SCNN1B: variants seen among roughly 807,000 people sequenced by gnomAD.
SCNN1B encodes epithelial sodium channel subunit beta.
In SCNN1B, 46 loss-of-function variants were observed where a neutral mutation model predicts 65.3. That is an observed-to-expected ratio of 0.70 (90% CI 0.56 to 0.90). The LOEUF is 0.90. Among genes scored for constraint, SCNN1B ranks in the 40% least tolerant of loss-of-function variants. SCNN1B has a pLI of 0.00. For synonymous variants in SCNN1B, 349 were observed against 330.6 expected, an observed-to-expected ratio of 1.06 and a Z score of -0.60; for missense variants, 751 against 830.5, an observed-to-expected ratio of 0.90 and a Z score of 1.18.
intron 1 of SCNN1B, among the ~76,000 whole-genome samples, chr16:23,307,372 T>C (rs1961242774): frequency 7.3e-6 from 1 of 137,530 alleles, no homozygotes; most frequent in Non-Finnish European, 1.5e-5. Context: ...CAGGCTGGAG[T>C]GCAATGGTGT....
At chr16:23,285,900 G>A (rs1441338536) in intron 2 of SCNN1B, among the ~76,000 whole-genome samples, 1 of 152,176 alleles carries the variant, frequency 6.6e-6, no homozygotes, top group Non-Finnish European at 1.5e-5. Flanking sequence ...CTTGAACCCA[G>A]GAGGCAGAAG....
intron 1 of SCNN1B, among the ~76,000 whole-genome samples, chr16:23,336,634 T>C (rs1434391011): frequency 6.6e-6 from 1 of 152,092 alleles, no homozygotes; most frequent in Admixed American, 6.5e-5. Context: ...CCTCCCAAAG[T>C]GCTGGGATTA....
Position 23,365,603 on chromosome 16 carries a change from A to AG in SCNN1B, c.777-2253_777-2252insG, listed in dbSNP as rs1567313722. Among the ~76,000 whole-genome samples, 55 of 93,752 alleles carry AG rather than the reference A, an allele frequency of 5.9e-4. No individual in the cohort carries two copies. In the South Asian group the frequency reaches 9.1e-3, roughly 15 times the overall value. 61.5% of individuals were successfully genotyped at this position (93,752 alleles called of 152,430 possible). On this transcript the variant is annotated intron_variant, in intron 4 of 12. Transcript: ENST00000343070. Reference sequence around the variant, plus strand: ...AGAAAGAAAGAGAAAGAAAGAAAGAAAGAAAGAAAGAAAGAAAAAAGAAAG... The same window carrying AG: ...AGAAAGAAAGAGAAAGAAAGAAAGAAGAGAAAGAAAGAAAGAAAAAAGAAAG...
chr16:23,295,912 T>G (rs1960990595), intron 2 of SCNN1B, among the ~76,000 whole-genome samples: 1 of 152,094 alleles, frequency 6.6e-6, no homozygotes, highest in Non-Finnish European at 1.5e-5. Context: ...CTGATTAAAT[T>G]TTTAGTCTGA....
intron 3 of SCNN1B, 98 bp from the exon 4 acceptor site, chr16:23,355,201 A>G: frequency 2.4e-6 from 3 of 1,255,416 alleles, no homozygotes; most frequent in Non-Finnish European, 3.5e-6. Context: ...GGTGGCTGGC[A>G]AAGCACAGCT....
At chr16:23,346,319 C>T (rs1962188677) in intron 1 of SCNN1B, among the ~76,000 whole-genome samples, 1 of 150,826 alleles carries the variant, frequency 6.6e-6, no homozygotes, top group African/African-American at 2.4e-5. Flanking sequence ...CCTCCACCTC[C>T]CAGGCTAAAG....
chr16:23,329,656 C>A (rs1731018657), intron 1 of SCNN1B, among the ~76,000 whole-genome samples: 1 of 152,206 alleles, frequency 6.6e-6, no homozygotes, highest in Admixed American at 6.5e-5. Flanking sequence ...AGCATTCACA[C>A]CCAAAGCTTG....
chr16:23,301,717 A>G (rs994116273), upstream of SCNN1B, among the ~76,000 whole-genome samples: 1 of 152,120 alleles, frequency 6.6e-6, no homozygotes, highest in African/African-American at 2.4e-5. Flanking sequence ...AGAGTTCCCA[A>G]TCTCGGGGTG....
Position 23,380,772 on chromosome 16 carries a change from G to C in SCNN1B, c.1894G>C (p.Glu632Gln). Reference protein sequence around the residue: ...SLRLQPLDVIESDSEGDAI With the variant: ...SLRLQPLDVIQSDSEGDAI ...GCGTCTGCAGCCGCTGGACGTCATCGAGTCTGACAGTGAGGGTGATGCCAT... is the reference window on the plus strand; with the variant it reads ...GCGTCTGCAGCCGCTGGACGTCATCCAGTCTGACAGTGAGGGTGATGCCAT... Residue 632 changes from glutamate (E) to glutamine (Q), a missense_variant, in exon 13 of 13, where the codon GAG (glutamate) becomes CAG (glutamine). Physicochemically the swap from Glu to Gln is conservative, Grantham distance 29. Transcript: ENST00000343070. This position sits in a 1 kb window ranked among gnomAD's most constrained non-coding sequence, Gnocchi z 5.4. The C allele has an allele frequency of 6.2e-7, 1 of 1,612,360 alleles. No homozygotes were observed. Among genetic ancestry groups the C allele is most frequent in the Non-Finnish European group, 8.5e-7 (1 of 1,179,950 alleles).
At chr16:23,317,527 C>T (rs1961497201) in intron 1 of SCNN1B, among the ~76,000 whole-genome samples, 1 of 152,052 alleles carries the variant, frequency 6.6e-6, no homozygotes, top group Non-Finnish European at 1.5e-5. Context: ...GGAACAGGGT[C>T]GAGAGTTCAG....
intron 1 of SCNN1B, among the ~76,000 whole-genome samples, chr16:23,343,185 T>C (rs907807099): frequency 6.6e-6 from 1 of 152,112 alleles, no homozygotes; most frequent in Non-Finnish European, 1.5e-5. Context: ...CTGGGCATGG[T>C]GGCTCATGCC....
chr16:23,279,744 C>T (rs942377986), intron 1 of SCNN1B, among the ~76,000 whole-genome samples: 9 of 152,150 alleles, frequency 5.9e-5, no homozygotes, highest in Non-Finnish European at 1.2e-4. Context: ...GTACCTTCTA[C>T]GTTCAGATGG....
chr16:23,295,801 A>G (rs1205533486), intron 2 of SCNN1B, among the ~76,000 whole-genome samples: 3 of 152,190 alleles, frequency 2.0e-5, no homozygotes, highest in Non-Finnish European at 4.4e-5. Context: ...CCAAGCCTCA[A>G]CTGAACGTTC....
In SCNN1B at chr16:23,348,510, C is replaced by A; in HGVS notation, c.-8-82C>A. The A allele has an allele frequency of 7.2e-7, 1 of 1,389,172 alleles. No individual in the cohort carries two copies. The highest frequency in any genetic ancestry group is 1.0e-6 in the Non-Finnish European group (1 of 994,962). The allele number at this position is 1,389,172 out of a possible 1,614,324, so 86.1% of individuals were successfully genotyped here. On this transcript the variant is annotated intron_variant, in intron 1 of 12. Coordinates refer to ENST00000343070, the MANE Select transcript of SCNN1B (RefSeq NM_000336.3). The surrounding 1 kb of genome is among the most constrained non-coding windows in gnomAD (Gnocchi z 4.5). ...GAGGAAGAACGGGGACGTACCGCCGCCCAGTTCCTGGACGTGACTGGGACA... is the reference window on the plus strand; with the variant it reads ...GAGGAAGAACGGGGACGTACCGCCGACCAGTTCCTGGACGTGACTGGGACA...
At chr16:23,336,432 C>T (rs941676043) in intron 1 of SCNN1B, among the ~76,000 whole-genome samples, 2 of 146,978 alleles carry the variant, frequency 1.4e-5, no homozygotes, top group African/African-American at 5.1e-5. Context: ...AGTGCAGGGG[C>T]ACGATCTCGG....
intron 1 of SCNN1B, among the ~76,000 whole-genome samples, chr16:23,318,256 A>C (rs1187205883): frequency 6.6e-6 from 1 of 152,198 alleles, no homozygotes; most frequent in Admixed American, 6.6e-5. Flanking sequence ...TCACTGTGTG[A>C]TTTGGGCAAA....
At chr16:23,355,196 C>A in intron 3 of SCNN1B, 103 bp from the exon 4 acceptor site, 1 of 1,174,184 alleles carries the variant, frequency 8.5e-7, no homozygotes, top group Non-Finnish European at 1.3e-6. Flanking sequence ...AGAAAGGTGG[C>A]TGGCAAAGCA....
intron 2 of SCNN1B, among the ~76,000 whole-genome samples, chr16:23,288,772 G>GCA (rs1249196414): frequency 6.6e-6 from 1 of 152,198 alleles, no homozygotes; most frequent in African/African-American, 2.4e-5. Context: ...TCACACCACT[G>GCA]CACTCTAGCC....
At chr16:23,359,822 G>A (rs1199966642) in intron 4 of SCNN1B, among the ~76,000 whole-genome samples, 1 of 152,218 alleles carries the variant, frequency 6.6e-6, no homozygotes, top group Non-Finnish European at 1.5e-5. Context: ...TAACCACATA[G>A]CATTATTGGG....
Sources: allele counts gnomAD v4.1 joint callset (sites outside exome capture counted in the v4.1 genomes callset), GRCh38; gene constraint gnomAD v4.1.1; non-coding constraint Gnocchi (gnomAD v3.1); transcripts MANE v1.5; gene names NCBI Gene and HGNC (gene_info 2026-07-23, HGNC 2026-07-21).